The following LOC400499 variants were observed in gnomAD, a reference collection of about 807,000 sequenced individuals.
the LOC400499 span, among the ~76,000 whole-genome samples, chr16:11,394,211 G>T: frequency 6.6e-5 from 10 of 152,322 alleles, no homozygotes; most frequent in South Asian, 8.3e-4. Context: ...AACACCCCAG[G>T]CACTGGGCAG....
the LOC400499 span, chr16:11,431,010 C>G: frequency 7.5e-6 from 3 of 398,942 alleles, no homozygotes; most frequent in African/African-American, 2.1e-5. Flanking sequence ...TTGCCGCTGC[C>G]CCCATGGCGT....
the LOC400499 span, among the ~76,000 whole-genome samples, chr16:11,426,291 C>G: frequency 2.0e-5 from 3 of 152,064 alleles, no homozygotes; most frequent in South Asian, 4.1e-4. Context: ...TAAAAATTAG[C>G]CAGGTGTGGT....
At chr16:11,377,275 A>G in the LOC400499 span, among the ~76,000 whole-genome samples, 2 of 152,238 alleles carry the variant, frequency 1.3e-5, no homozygotes, top group Non-Finnish European at 2.9e-5. Context: ...ATTTTCGACA[A>G]AGATGATCAT....
At chr16:11,454,152 C>G in the LOC400499 span, among the ~76,000 whole-genome samples, 1 of 152,220 alleles carries the variant, frequency 6.6e-6, no homozygotes, top group Admixed American at 6.5e-5. Context: ...AGCATCAGAT[C>G]TCCCAATTAA....
chr16:11,488,977 C>A, the LOC400499 span: 2 of 396,400 alleles, frequency 5.0e-6, no homozygotes, highest in Admixed American at 4.4e-5. Context: ...GCAATTCCCA[C>A]GCACGGGGGC....
the LOC400499 span, among the ~76,000 whole-genome samples, chr16:11,456,033 C>T: frequency 6.3e-5 from 9 of 143,720 alleles, no homozygotes; most frequent in South Asian, 4.4e-4. Flanking sequence ...AAAAAAAATT[C>T]GTGGATAAAA....
chr16:11,465,699 G>C, the LOC400499 span, among the ~76,000 whole-genome samples: 1 of 152,028 alleles, frequency 6.6e-6, no homozygotes, highest in Non-Finnish European at 1.5e-5. Flanking sequence ...CTTGAGCCCA[G>C]GGGTTTGAGG....
chr16:11,495,622 T>C, the LOC400499 span, among the ~76,000 whole-genome samples: 70 of 152,298 alleles, frequency 4.6e-4, 1 homozygote, highest in Non-Finnish European at 2.9e-5. Context: ...TCAAGTGATC[T>C]GCCCGCCTCG....
At chr16:11,515,082 G>C in the LOC400499 span, among the ~76,000 whole-genome samples, 3 of 152,120 alleles carry the variant, frequency 2.0e-5, no homozygotes, top group African/African-American at 7.2e-5. Context: ...AAGGTGGCCG[G>C]AACGCTTGAG....
chr16:11,489,633 G>C, the LOC400499 span, among the ~76,000 whole-genome samples: 1 of 152,122 alleles, frequency 6.6e-6, no homozygotes, highest in African/African-American at 2.4e-5. Flanking sequence ...TTAGGGATAA[G>C]GTGCCCACTT....
chr16:11,381,909 C>T, the LOC400499 span, among the ~76,000 whole-genome samples: 1 of 151,424 alleles, frequency 6.6e-6, no homozygotes, highest in African/African-American at 2.4e-5. Flanking sequence ...ATCATGCCTG[C>T]TGACTCTAAA....
At chr16:11,408,202 C>T in the LOC400499 span, among the ~76,000 whole-genome samples, 17 of 152,024 alleles carry the variant, frequency 1.1e-4, no homozygotes, top group Non-Finnish European at 2.5e-4. Context: ...AGGCCAGTCT[C>T]GAACTCCTGA....
At chr16:11,453,475 A>C in the LOC400499 span, among the ~76,000 whole-genome samples, 1 of 152,150 alleles carries the variant, frequency 6.6e-6, no homozygotes, top group Non-Finnish European at 1.5e-5. Flanking sequence ...AAACTCCCTG[A>C]AATTCTGTAA....
chr16:11,417,768 G>A, the LOC400499 span: 1 of 398,946 alleles, frequency 2.5e-6, no homozygotes, highest in Non-Finnish European at 4.4e-6. Flanking sequence ...AGTAGTTGAG[G>A]AATGTGGGCC....
chr16:11,395,465 G>A, the LOC400499 span, among the ~76,000 whole-genome samples: 3 of 152,236 alleles, frequency 2.0e-5, no homozygotes. Context: ...GGGGCAGGCA[G>A]GGGCCTGGCT....
the LOC400499 span, among the ~76,000 whole-genome samples, chr16:11,459,247 A>ACTGG: frequency 7.3e-6 from 1 of 136,056 alleles, no homozygotes; most frequent in Non-Finnish European, 1.5e-5. Context: ...CCCAGGCCAG[A>ACTGG]CTGCAGTGGT....
the LOC400499 span, among the ~76,000 whole-genome samples, chr16:11,502,775 T>C: frequency 6.6e-6 from 1 of 151,226 alleles, no homozygotes; most frequent in African/African-American, 2.4e-5. Context: ...TGACCACGTC[T>C]GGCTTATTTT....
At chr16:11,503,146 C>T in the LOC400499 span, among the ~76,000 whole-genome samples, 1 of 151,532 alleles carries the variant, frequency 6.6e-6, no homozygotes, top group African/African-American at 2.4e-5. Flanking sequence ...AACTTCTGGG[C>T]TCAAGTGATC....
At chr16:11,468,254 G>A in the LOC400499 span, among the ~76,000 whole-genome samples, 11 of 152,224 alleles carry the variant, frequency 7.2e-5, no homozygotes, top group Admixed American at 1.3e-4. Context: ...TTCTCAGGGC[G>A]TGCATCAGTA....
Sources: gnomAD v4.1 joint callset for allele counts (sites outside exome capture counted in the v4.1 genomes callset) on GRCh38, gnomAD v4.1.1 for gene constraint, MANE v1.5 for transcripts.